Variants in TMOD2 observed in about 807,000 individuals in gnomAD.
TMOD2 encodes tropomodulin 2, also known as tropomodulin-2.
TMOD2 carries 22 observed loss-of-function variants against 39.9 expected under a neutral mutation model. The ratio of observed to expected loss-of-function variants is 0.55; its 90% CI spans 0.39 to 0.79. TMOD2 has a LOEUF of 0.79. Ranked by LOEUF, TMOD2 falls within the 30% of genes least tolerant of loss-of-function variation. The pLI is 0.00. For synonymous variants in TMOD2, 123 were observed against 146.1 expected, an observed-to-expected ratio of 0.84 and a Z score of 1.14; for missense variants, 386 against 413.3, an observed-to-expected ratio of 0.93 and a Z score of 0.57.
At chr15:51,763,324 G>A (rs563830825) in intron 1 of TMOD2, among the ~76,000 whole-genome samples, 2 of 152,166 alleles carry the variant, frequency 1.3e-5, no homozygotes, top group Non-Finnish European at 2.9e-5. Flanking sequence ...AATATACATG[G>A]ATTTTTAAAA....
rs1437935358 is a variant in TMOD2, at chr15:51,811,409, A to C, written c.*2955A>C. The C allele has an allele frequency of 6.6e-6, 1 of 152,170 alleles. No homozygotes were observed. Among genetic ancestry groups the C allele is most frequent in the African/African-American group, 2.4e-5 (1 of 41,438 alleles). The allele number at this position is 152,170 out of a possible 1,614,324, so 9.4% of individuals were successfully genotyped here. On this transcript the variant is annotated 3_prime_UTR_variant, in exon 10 of 10. Coordinates refer to ENST00000249700, the MANE Select transcript of TMOD2 (RefSeq NM_014548.4). ...CCAGGCCTATCTCCCTCCCCCTTTT[A>C]GAGTTGTGCAGGTCCACTTTAAGTG...
chr15:51,782,274 A>G (rs1163002963), intron 6 of TMOD2, among the ~76,000 whole-genome samples: 3 of 152,232 alleles, frequency 2.0e-5, no homozygotes, highest in Non-Finnish European at 4.4e-5. Context: ...GAGATCCAGT[A>G]AACAAAGGAG....
chr15:51,793,439 G>A lies in TMOD2; in HGVS notation c.733-4758G>A, dbSNP rs75974888. On this transcript the variant is annotated intron_variant, in intron 7 of 9. Transcript: ENST00000249700. ...AGCACATTTCAAATCAGACTAACCA[G>A]TTTTCAAGGGCTCAGTAGCCACATT... Among the ~76,000 whole-genome samples the A allele has an allele frequency of 7.4e-3, 1,126 of 152,262 alleles. 8 individuals are homozygous for A. Among genetic ancestry groups the A allele is most frequent in the Middle Eastern group, 0.014 (4 of 294 alleles).
intron 2 of TMOD2, among the ~76,000 whole-genome samples, chr15:51,767,971 G>A (rs2055827104): frequency 1.3e-5 from 2 of 152,202 alleles, no homozygotes; most frequent in South Asian, 4.1e-4. Context: ...TGATCTACAA[G>A]GAAAGAGGTC....
intron 1 of TMOD2, among the ~76,000 whole-genome samples, chr15:51,763,726 C>T (rs537083949): frequency 6.6e-6 from 1 of 152,312 alleles, no homozygotes; most frequent in South Asian, 2.1e-4. Flanking sequence ...AAGACCTTTA[C>T]ATCCACTCTG....
chr15:51,782,454 A>G (rs1202423448), intron 6 of TMOD2, among the ~76,000 whole-genome samples: 2 of 152,236 alleles, frequency 1.3e-5, no homozygotes, highest in Non-Finnish European at 1.5e-5. Flanking sequence ...AGGGAAGTAT[A>G]GTATCTGCAT....
chr15:51,768,354 G>C lies in TMOD2; in HGVS notation c.219G>C (p.Leu73=). ...ACCGCGAGCACCTCCTCATGTACCT[G>C]GAGAAGGAGGCTTTGGAACAGAAAG... ...PFDREHLLMY[L]EKEALEQKDR... The change falls in exon 3 of 10, where the codon CTG becomes CTC. Residue 73 remains leucine (L), a synonymous_variant. Coordinates refer to ENST00000249700, the MANE Select transcript of TMOD2 (RefSeq NM_014548.4). 6.2e-7 allele frequency: 1 copy of C among 1,614,162 alleles called. No homozygotes were observed. The highest frequency in any genetic ancestry group is 8.5e-7 in the Non-Finnish European group (1 of 1,180,020).
At chr15:51,794,914 A>G (rs1356628700) in intron 7 of TMOD2, among the ~76,000 whole-genome samples, 3 of 152,132 alleles carry the variant, frequency 2.0e-5, no homozygotes, top group Non-Finnish European at 4.4e-5. Flanking sequence ...CTGTGTTTGT[A>G]TATAGATTGA....
intron 9 of TMOD2, 55 bp downstream of exon 9, chr15:51,806,576 T>C (rs2056123134): frequency 1.3e-6 from 2 of 1,599,528 alleles, no homozygotes; most frequent in Non-Finnish European, 1.7e-6. Context: ...AGCATTCACT[T>C]CTCCACTTCA....
Position 51,809,591 on chromosome 15 carries a change from G to T in TMOD2, c.*1137G>T, listed in dbSNP as rs545859244. The T allele has an allele frequency of 6.6e-6, 1 of 152,216 alleles. No homozygotes were observed. Among genetic ancestry groups the T allele is most frequent in the Non-Finnish European group, 1.5e-5 (1 of 68,034 alleles). 9.4% of individuals were successfully genotyped at this position (152,216 alleles called of 1,614,324 possible). A position where few individuals can be genotyped will look rare whatever the true frequency, so the allele number is the denominator to read the frequency against. ...TGCATTAATCTTTCAATGTAGTGGTGTAAAAATGCAGTGCTAAACTAATGA... is the reference window on the plus strand; with the variant it reads ...TGCATTAATCTTTCAATGTAGTGGTTTAAAAATGCAGTGCTAAACTAATGA... On this transcript the variant is annotated 3_prime_UTR_variant, in exon 10 of 10. Coordinates refer to ENST00000249700, the MANE Select transcript of TMOD2 (RefSeq NM_014548.4).
At chr15:51,795,919 TTCTC>T (rs2056048624) in intron 7 of TMOD2, among the ~76,000 whole-genome samples, 1 of 119,712 alleles carries the variant, frequency 8.4e-6, no homozygotes, top group Non-Finnish European at 1.7e-5. Context: ...ACCCGACTTT[TTCTC>T]TCTTTCTTTC....
intron 7 of TMOD2, chr15:51,784,273 G>A (rs2055953667): frequency 1.3e-5 from 2 of 152,196 alleles, no homozygotes; most frequent in Admixed American, 1.3e-4. Context: ...CTGGGCATCA[G>A]CCTGTTGTTC....
In TMOD2 at chr15:51,781,051, C is replaced by T. The variant is rs140758660; in HGVS notation, c.501C>T (p.Val167=). ...KGGKGPVRNV[V]KGEKVKPVFE... ...TGAAAACTTGTGTTTTAGATGTTGTCAAAGGTGAAAAAGTAAAGCCAGTAT... is the reference window on the plus strand; with the variant it reads ...TGAAAACTTGTGTTTTAGATGTTGTTAAAGGTGAAAAAGTAAAGCCAGTAT... The change falls in exon 6 of 10, where the codon GTC becomes GTT. Residue 167 remains valine, a synonymous_variant. Transcript: ENST00000249700. 2 of 1,599,590 alleles carry T rather than the reference C, an allele frequency of 1.3e-6. No individual in the cohort carries two copies. Among genetic ancestry groups the T allele is most frequent in the South Asian group, 2.3e-5 (2 of 87,780 alleles).
At chr15:51,761,354 C>G (rs1447667009) in intron 1 of TMOD2, among the ~76,000 whole-genome samples, 1 of 152,092 alleles carries the variant, frequency 6.6e-6, no homozygotes, top group African/African-American at 2.4e-5. Context: ...GAGTGTCTGA[C>G]TGGTAGATTA....
At chr15:51,763,978 G>T (rs2055798778) in intron 1 of TMOD2, among the ~76,000 whole-genome samples, 1 of 152,058 alleles carries the variant, frequency 6.6e-6, no homozygotes, top group South Asian at 2.1e-4. Flanking sequence ...GATGCAGTAA[G>T]TTAGTGGTAG....
Position 51,768,293 on chromosome 15 carries a change from A to C in TMOD2, c.158A>C (p.Lys53Thr). The change falls in exon 3 of 10, where the codon AAA becomes ACA. Residue 53 changes from lysine to threonine, a missense_variant. By Grantham distance (78) the Lys-to-Thr change is moderately conservative. Coordinates refer to ENST00000249700, the MANE Select transcript of TMOD2 (RefSeq NM_014548.4). ...ATGCTGCCAGCTGGATTTCGACAGA[A>C]AGACCAGACACAGAAGGCAGCCACC... ...SAMLPAGFRQ[K>T]DQTQKAATGP... is the part of the protein sequence containing the mutation. 1 of 1,614,164 alleles carries C rather than the reference A, an allele frequency of 6.2e-7. No homozygotes were observed. Among genetic ancestry groups the C allele is most frequent in the Non-Finnish European group, 8.5e-7 (1 of 1,180,022 alleles).
chr15:51,785,731 A>G (rs1439327990), intron 7 of TMOD2, among the ~76,000 whole-genome samples: 1 of 152,172 alleles, frequency 6.6e-6, no homozygotes, highest in Non-Finnish European at 1.5e-5. Context: ...ACAGTTAGTT[A>G]GAAGGAATAA....
intron 3 of TMOD2, among the ~76,000 whole-genome samples, chr15:51,771,251 T>C (rs1474168036): frequency 6.6e-6 from 1 of 152,170 alleles, no homozygotes; most frequent in East Asian, 1.9e-4. Context: ...GCGAAGAGTA[T>C]GCAGGGGCCC....
intron 9 of TMOD2, among the ~76,000 whole-genome samples, chr15:51,808,106 G>A (rs116175193): frequency 0.013 from 1,987 of 152,264 alleles, 45 homozygotes; most frequent in African/African-American, 0.046. Context: ...TGCAAGTGCC[G>A]TGGATAAACG....
Sources: gnomAD v4.1 joint callset for allele counts (sites outside exome capture counted in the v4.1 genomes callset) on GRCh38, gnomAD v4.1.1 for gene constraint, MANE v1.5 for transcripts, NCBI Gene and HGNC (gene_info 2026-07-23, HGNC 2026-07-21) for gene names.